Variants in TCF25 observed in about 807,000 individuals in gnomAD.
TCF25 encodes the protein ribosome quality control complex subunit TCF25.
A neutral mutation model predicts 83.1 loss-of-function variants in TCF25; 41 were observed. The observed-to-expected ratio is 0.49, with a 90% confidence interval of 0.38 to 0.64. TCF25 has a LOEUF of 0.64. TCF25 is among the 30% of genes least tolerant of loss of function. The pLI, the probability that TCF25 is intolerant of heterozygous loss-of-function variation, is 0.00. For synonymous variants in TCF25, 458 were observed against 365.0 expected (o/e 1.25, Z -2.90); for missense variants, 979 against 914.5 (o/e 1.07, Z -0.91).
chr16:89,891,064 G>A (rs1368876110), intron 5 of TCF25, among the ~76,000 whole-genome samples: 1 of 152,048 alleles, frequency 6.6e-6, no homozygotes, highest in Non-Finnish European at 1.5e-5. Context: ...ACGACAGCCC[G>A]GTCAGCTCAT....
intron 16 of TCF25, among the ~76,000 whole-genome samples, chr16:89,907,963 G>A (rs1390550074): frequency 5.5e-4 from 4 of 7,242 alleles, no homozygotes; most frequent in South Asian, 4.2e-3. Flanking sequence ...TCCTCCCGCC[G>A]CCTAGCTCCC....
At chr16:89,878,468 G>A in intron 1 of TCF25, 1 of 1,026,962 alleles carries the variant, frequency 9.7e-7, no homozygotes, top group Non-Finnish European at 1.3e-6. Context: ...TAGGAAAAAT[G>A]GACATTTTCC....
At chr16:89,892,510 C>T (rs2043512317) in intron 6 of TCF25, among the ~76,000 whole-genome samples, 1 of 152,168 alleles carries the variant, frequency 6.6e-6, no homozygotes, top group African/African-American at 2.4e-5. Context: ...CTGTTTGTTG[C>T]CACACTGAGG....
intron 14 of TCF25, 46 bp from the exon 15 acceptor site, chr16:89,906,148 A>C (rs749676660): frequency 6.4e-7 from 1 of 1,561,644 alleles, no homozygotes. Context: ...TTACCATTTC[A>C]TTTGCTGTGC....
Position 89,900,618 on chromosome 16 carries a change from T to G in TCF25, c.1222-17T>G. On this transcript the variant is annotated splice_polypyrimidine_tract_variant and intron_variant, in intron 11 of 17. Transcript: ENST00000263346. ...TATGACTTAAGGCTCCACGCTCTGT[T>G]TCTTCGTCCCTCGTAGGCTCATCGG... 1 of 1,566,998 alleles carries G rather than the reference T, an allele frequency of 6.4e-7. No individual in the cohort carries two copies. The highest frequency in any genetic ancestry group is 8.7e-7 in the Non-Finnish European group (1 of 1,144,160).
rs549101796 is a variant in TCF25 at position 89,892,933 on chromosome 16, TCTC to T, written c.697+661_697+663del. On this transcript the variant is annotated intron_variant, in intron 6 of 17. Transcript: ENST00000263346. ...CGCTGCCATGGCTCCCACGGCCGCTTCTCCTGCGCCTGTGTCTGTGGGGGTGCC... is the reference window on the plus strand; with the variant it reads ...CGCTGCCATGGCTCCCACGGCCGCTTCTGCGCCTGTGTCTGTGGGGGTGCC... 1.4e-3 allele frequency among the ~76,000 whole-genome samples: 207 copies of T among 152,310 alleles called. 2 individuals are homozygous for T. The highest frequency in any genetic ancestry group is 4.7e-3 in the African/African-American group (197 of 41,560).
intron 1 of TCF25, among the ~76,000 whole-genome samples, chr16:89,882,527 ACT>A (rs1220253402): frequency 6.6e-6 from 1 of 151,232 alleles, no homozygotes; most frequent in African/African-American, 2.4e-5. Flanking sequence ...ACAGAGCGAG[ACT>A]CTGTCTCAAA....
intron 2 of TCF25, chr16:89,883,916 T>C (rs1000041954): frequency 6.6e-5 from 13 of 196,644 alleles, no homozygotes; most frequent in Non-Finnish European, 1.4e-4. Flanking sequence ...GTAAGTGAAC[T>C]TTGAAGAAAC....
chr16:89,907,122 G>A (rs2044858095), intron 15 of TCF25, 121 bp from the exon 16 acceptor site: 2 of 986,446 alleles, frequency 2.0e-6, no homozygotes, highest in East Asian at 2.4e-5. Context: ...GTCAGACTCT[G>A]TGGCTATCTC....
intron 12 of TCF25, among the ~76,000 whole-genome samples, chr16:89,903,180 T>A (rs116083726): frequency 6.6e-6 from 1 of 152,186 alleles, no homozygotes; most frequent in Non-Finnish European, 1.5e-5. Context: ...CGTCAGCACC[T>A]CCCTTGAAGG....
chr16:89,908,604 TCCTCCCAGCTCCCA>T (rs1567745721), intron 16 of TCF25, among the ~76,000 whole-genome samples: 12 of 8,016 alleles, frequency 1.5e-3, no homozygotes, highest in East Asian at 0.013. Flanking sequence ...CCCGCCTCCC[TCCTCCCAGCTCCCA>T]CCTCCCAGCT....
At chr16:89,895,724 A>G (rs2043800159) in intron 8 of TCF25, among the ~76,000 whole-genome samples, 1 of 152,232 alleles carries the variant, frequency 6.6e-6, no homozygotes, top group Non-Finnish European at 1.5e-5. Context: ...TGCTGCACAC[A>G]TGGACGCCTG....
intron 1 of TCF25, among the ~76,000 whole-genome samples, chr16:89,880,354 C>CGGGCAGATCACCTGAGGT (rs1567695862): frequency 6.6e-6 from 1 of 152,184 alleles, no homozygotes; most frequent in Non-Finnish European, 1.5e-5. Context: ...GAGTCTGAGG[C>CGGGCAGATCACCTGAGGT]GGGCAGATCA....
At chr16:89,910,275 T>G in intron 16 of TCF25, 1 of 417,242 alleles carries the variant, frequency 2.4e-6, no homozygotes. Flanking sequence ...AACTGCAGCT[T>G]TTCTGAAAAG....
intron 3 of TCF25, 107 bp from the exon 4 acceptor site, chr16:89,885,741 G>T: frequency 1.1e-6 from 1 of 911,584 alleles, no homozygotes; most frequent in Non-Finnish European, 1.8e-6. Context: ...CCTTTAGGAA[G>T]TAAATACAGT....
intron 16 of TCF25, among the ~76,000 whole-genome samples, chr16:89,908,473 C>G: frequency 6.9e-6 from 1 of 145,400 alleles, no homozygotes; most frequent in African/African-American, 2.5e-5. Context: ...CAGTTCCCAC[C>G]TGCCAGCTCC....
Position 89,893,855 on chromosome 16 carries a change from C to G in TCF25, c.825C>G (p.Ile275Met). The change falls in exon 7 of 18, where the codon ATC (isoleucine) becomes ATG (methionine). Residue 275 changes from isoleucine (I) to methionine (M), a missense_variant. Coordinates refer to ENST00000263346, the MANE Select transcript of TCF25 (RefSeq NM_014972.3). ...VAVESMEPNN[I>M]VVLLQTSPYH... ...TGGAGTCTATGGAGCCGAACAACAT[C>G]GTGGTGCGTGGTCCCTGCAGCCCCT... The G allele has an allele frequency of 3.1e-6, 5 of 1,601,636 alleles. No individual in the cohort carries two copies. Among genetic ancestry groups the G allele is most frequent in the Non-Finnish European group, 4.3e-6 (5 of 1,174,448 alleles).
chr16:89,880,920 A>C (rs190540661), intron 1 of TCF25, among the ~76,000 whole-genome samples: 16 of 152,364 alleles, frequency 1.1e-4, no homozygotes, highest in Admixed American at 1.3e-4. Context: ...CAGCTTCGCC[A>C]GCAAAGGCCA....
chr16:89,905,656 G>T (rs2044713679), intron 14 of TCF25, among the ~76,000 whole-genome samples: 1 of 152,234 alleles, frequency 6.6e-6, no homozygotes, highest in Admixed American at 6.5e-5. Flanking sequence ...AGTGAAGTCT[G>T]TGTGCCGCGG....
Sources: gnomAD v4.1 joint callset for allele counts (sites outside exome capture counted in the v4.1 genomes callset) on GRCh38, gnomAD v4.1.1 for gene constraint, MANE v1.5 for transcripts, NCBI Gene and HGNC (gene_info 2026-07-23, HGNC 2026-07-21) for gene names.